The following IGF2BP2 variants were observed in gnomAD, a reference collection of about 807,000 sequenced individuals.
IGF2BP2 encodes the protein insulin like growth factor 2 mRNA binding protein 2.
In IGF2BP2, 17 loss-of-function variants were observed where a neutral mutation model predicts 75.8. The ratio of observed to expected loss-of-function variants is 0.22; its 90% CI spans 0.15 to 0.34. The LOEUF is 0.34. Ranked by LOEUF, IGF2BP2 falls within the 10% of genes least tolerant of loss-of-function variation. The pLI, the probability that IGF2BP2 is intolerant of heterozygous loss-of-function variation, is 1.00. For missense variants in IGF2BP2, 516 were observed against 772.4 expected (o/e 0.67, Z 3.93); for synonymous variants, 288 against 295.6 (o/e 0.97, Z 0.26).
intron 2 of IGF2BP2, among the ~76,000 whole-genome samples, chr3:185,734,971 A>G (rs1553875534): frequency 6.6e-6 from 1 of 152,218 alleles, no homozygotes; most frequent in Non-Finnish European, 1.5e-5. Context: ...TAGCGAAGAC[A>G]GCGTTGTAAC....
intron 2 of IGF2BP2, among the ~76,000 whole-genome samples, chr3:185,776,764 A>C (rs1734585107): frequency 6.6e-6 from 1 of 152,204 alleles, no homozygotes; most frequent in South Asian, 2.1e-4. Context: ...ACAGCAACCA[A>C]CATTTTCTCA....
intron 2 of IGF2BP2, among the ~76,000 whole-genome samples, chr3:185,790,152 C>T (rs185225318): frequency 4.5e-4 from 69 of 152,268 alleles, no homozygotes; most frequent in Admixed American, 4.2e-3. Flanking sequence ...ACTGCTTCCT[C>T]GTCCTTCCTC....
At chr3:185,717,053 C>G (rs1042315760) in intron 2 of IGF2BP2, 1 of 302,634 alleles carries the variant, frequency 3.3e-6, no homozygotes, top group Admixed American at 4.2e-5. Flanking sequence ...AACTGGGCCT[C>G]TCAATTCAGC....
chr3:185,816,433 T>C (rs982104499), intron 2 of IGF2BP2, among the ~76,000 whole-genome samples: 9 of 152,230 alleles, frequency 5.9e-5, no homozygotes, highest in African/African-American at 1.7e-4. Context: ...CAGACTGATG[T>C]AGCATCATTG....
At chr3:185,801,993 T>C (rs896649788) in intron 2 of IGF2BP2, among the ~76,000 whole-genome samples, 1 of 151,666 alleles carries the variant, frequency 6.6e-6, no homozygotes, top group Non-Finnish European at 1.5e-5. Context: ...GAGGGGACCA[T>C]CACACACCAG....
intron 10 of IGF2BP2, among the ~76,000 whole-genome samples, chr3:185,665,424 G>A (rs544117357): frequency 1.2e-4 from 15 of 122,236 alleles, no homozygotes; most frequent in African/African-American, 2.3e-4. Context: ...AGGAGAAGGA[G>A]AAGGAGGAGG....
chr3:185,760,628 T>C (rs1441237710), intron 2 of IGF2BP2, among the ~76,000 whole-genome samples: 3 of 152,194 alleles, frequency 2.0e-5, no homozygotes. Context: ...CGGACATTCT[T>C]ACTCCACTCT....
chr3:185,671,565 A>T (rs1253079626), intron 10 of IGF2BP2, among the ~76,000 whole-genome samples: 9 of 151,892 alleles, frequency 5.9e-5, no homozygotes. Context: ...AAAGAAAAAG[A>T]AAAGATTCAG....
At chr3:185,649,053 G>C (rs1022870084) in intron 14 of IGF2BP2, among the ~76,000 whole-genome samples, 3 of 152,050 alleles carry the variant, frequency 2.0e-5, no homozygotes, top group Non-Finnish European at 4.4e-5. Context: ...TGCTACATGT[G>C]GGTATAAAGG....
At chr3:185,809,796 T>A (rs1053822453) in intron 2 of IGF2BP2, among the ~76,000 whole-genome samples, 2 of 152,092 alleles carry the variant, frequency 1.3e-5, no homozygotes, top group African/African-American at 4.8e-5. Flanking sequence ...TAAAAGTAAA[T>A]TTTTATTGAT....
At chr3:185,777,792 A>G (rs1381249182) in intron 2 of IGF2BP2, among the ~76,000 whole-genome samples, 2 of 152,208 alleles carry the variant, frequency 1.3e-5, no homozygotes, top group African/African-American at 4.8e-5. Flanking sequence ...CTGTAATCCC[A>G]GCACTTTGGG....
intron 2 of IGF2BP2, among the ~76,000 whole-genome samples, chr3:185,750,094 T>C (rs921033499): frequency 6.6e-6 from 1 of 152,116 alleles, no homozygotes; most frequent in Non-Finnish European, 1.5e-5. Flanking sequence ...TATTTCTGGG[T>C]GAATCTGGGG....
At chr3:185,807,341 A>C (rs939102301) in intron 2 of IGF2BP2, among the ~76,000 whole-genome samples, 3 of 152,236 alleles carry the variant, frequency 2.0e-5, no homozygotes, top group Admixed American at 1.3e-4. Context: ...TTTAGGCCTT[A>C]GTTCTCTAAT....
chr3:185,720,929 G>A (rs1726432575), intron 2 of IGF2BP2, among the ~76,000 whole-genome samples: 1 of 152,176 alleles, frequency 6.6e-6, no homozygotes, highest in Non-Finnish European at 1.5e-5. Context: ...CAGACACAGG[G>A]AAACGTCCTT....
chr3:185,810,578 A>T (rs1415467468), intron 2 of IGF2BP2, among the ~76,000 whole-genome samples: 15 of 152,192 alleles, frequency 9.9e-5, no homozygotes, highest in Non-Finnish European at 1.8e-4. Flanking sequence ...GTTCAAGATC[A>T]GCCTGGCCAA....
chr3:185,750,875 C>T (rs1021262172), intron 2 of IGF2BP2, among the ~76,000 whole-genome samples: 5 of 152,232 alleles, frequency 3.3e-5, no homozygotes, highest in African/African-American at 7.2e-5. Flanking sequence ...CACTTGAACA[C>T]GTGTTTCCTC....
At chr3:185,730,098 A>T (rs1368925274) in intron 2 of IGF2BP2, among the ~76,000 whole-genome samples, 3 of 152,280 alleles carry the variant, frequency 2.0e-5, no homozygotes, top group Admixed American at 2.0e-4. Flanking sequence ...TGTACACAAT[A>T]GTTAATTTTT....
In IGF2BP2 at chr3:185,754,507, A is replaced by G. The variant is rs865793342; in HGVS notation, c.240-56160T>C. Among the ~76,000 whole-genome samples, 4 of 152,332 alleles carry G rather than the reference A, an allele frequency of 2.6e-5. No homozygotes were observed. In the South Asian group the frequency reaches 8.3e-4, roughly 32 times the overall value. Reference sequence around the variant, plus strand: ...GTGGGGCACTGCTATAAAGATAAAGAAAGACGTGGAAGCGGCTGTGGATCT... The same window carrying G: ...GTGGGGCACTGCTATAAAGATAAAGGAAGACGTGGAAGCGGCTGTGGATCT... On this transcript the variant is annotated intron_variant, in intron 2 of 15. Transcript: ENST00000382199.
At chr3:185,740,727 A>G (rs540773723) in intron 2 of IGF2BP2, among the ~76,000 whole-genome samples, 1 of 152,356 alleles carries the variant, frequency 6.6e-6, no homozygotes, top group South Asian at 2.1e-4. Flanking sequence ...CCATATACCT[A>G]GTAAAGGTTA....
Sources: allele counts gnomAD v4.1 joint callset (sites outside exome capture counted in the v4.1 genomes callset), GRCh38; gene constraint gnomAD v4.1.1; transcripts MANE v1.5; gene names NCBI Gene and HGNC (gene_info 2026-07-23, HGNC 2026-07-21).